Variants in TRNT1 observed in about 807,000 individuals in gnomAD.
TRNT1 encodes tRNA nucleotidyl transferase 1, also known as CCA tRNA nucleotidyltransferase 1, mitochondrial.
TRNT1 carries 44 observed loss-of-function variants against 45.6 expected under a neutral mutation model. The ratio of observed to expected loss-of-function variants is 0.97; its 90% CI spans 0.76 to 1.24. The LOEUF (loss-of-function observed/expected upper bound fraction) is 1.24. TRNT1 is among the 50% of genes most tolerant of loss of function. The probability of loss-of-function intolerance (pLI) is 0.00; values close to 1 mark genes in which losing one functional copy is unlikely to be tolerated. For synonymous variants in TRNT1, 201 were observed against 171.4 expected, an observed-to-expected ratio of 1.17 and a Z score of -1.35; for missense variants, 633 against 504.4, an observed-to-expected ratio of 1.25 and a Z score of -2.44.
chr3:3,152,803 G>C, downstream of TRNT1: 1 of 588,928 alleles, frequency 1.7e-6, no homozygotes, highest in South Asian at 2.0e-5. Context: ...AATGTTTTCT[G>C]TGATGACCCA....
intron 3 of TRNT1, 135 bp downstream of exon 3, chr3:3,137,588 C>A (rs1157218182): frequency 3.2e-6 from 2 of 623,412 alleles, no homozygotes; most frequent in African/African-American, 1.9e-5. Context: ...ATAAACCCTG[C>A]AGTCCTCTGT....
At chr3:3,127,652 C>T (rs1704673440) in intron 1 of TRNT1, 1 of 152,224 alleles carries the variant, frequency 6.6e-6, no homozygotes, top group African/African-American at 2.4e-5. Flanking sequence ...AGGAGCTATC[C>T]CAGGGTCGTG....
intron 5 of TRNT1, 92 bp from the exon 6 acceptor site, chr3:3,146,338 T>C: frequency 1.1e-6 from 1 of 914,530 alleles, no homozygotes; most frequent in South Asian, 1.9e-5. Flanking sequence ...ATTAAGCAGA[T>C]GTATGGGATA....
intron 4 of TRNT1, 89 bp from the exon 5 acceptor site, chr3:3,144,493 ACT>A: frequency 8.0e-7 from 1 of 1,251,856 alleles, no homozygotes; most frequent in East Asian, 2.5e-5. Context: ...CTGAATTTTT[ACT>A]GTTTGTGATA....
At chr3:3,129,484 G>A (rs1704863709) in intron 2 of TRNT1, 2 of 399,780 alleles carry the variant, frequency 5.0e-6, no homozygotes, top group Non-Finnish European at 9.3e-6. Flanking sequence ...CTCTTGGGGA[G>A]GCCAAGGTAG....
Position 3,138,679 on chromosome 3 carries a change from C to G in TRNT1, c.342+1226C>G, listed in dbSNP as rs147024669. Among the ~76,000 whole-genome samples, 136 of 152,286 alleles carry G rather than the reference C, an allele frequency of 8.9e-4. No individual in the cohort carries two copies. The East Asian group carries it at 0.022, about 25-fold the overall frequency. The stretch of plus-strand genomic sequence containing the variant: ...TTCTATGAGAGTGCCTTAACTTCAT[C>G]TCCCAGTCATTGTATAATACTGACA... On this transcript the variant is annotated intron_variant, in intron 3 of 7. Coordinates refer to ENST00000251607, the MANE Select transcript of TRNT1 (RefSeq NM_182916.3).
rs368274081 is a variant in TRNT1, at chr3:3,129,145, C to T, written c.105C>T (p.Pro35=). The part of the protein sequence containing the change: ...QYLFTMKLQS[P]EFQSLFTEGL... ...TATTCACAATGAAGTTGCAGTCTCCCGAATTCCAGTCACTTTTCACAGAAG... is the reference window on the plus strand; with the variant it reads ...TATTCACAATGAAGTTGCAGTCTCCTGAATTCCAGTCACTTTTCACAGAAG... The change falls in exon 2 of 8, where the codon CCC becomes CCT. Residue 35 remains proline (P), a synonymous_variant. Transcript: ENST00000251607. 1.5e-4 allele frequency: 246 copies of T among 1,614,080 alleles called. 3 individuals carry two copies. In the South Asian group the frequency reaches 2.5e-3, roughly 16 times the overall value.
chr3:3,136,532 G>A (rs754558674), intron 2 of TRNT1: 15 of 381,836 alleles, frequency 3.9e-5, no homozygotes, highest in South Asian at 2.4e-4. Flanking sequence ...AGTTTCATGC[G>A]TGAACATCCT....
At chr3:3,132,697 T>TA (rs774865877) in intron 2 of TRNT1, among the ~76,000 whole-genome samples, 34 of 37,564 alleles carry the variant, frequency 9.1e-4, no homozygotes, top group African/African-American at 2.2e-3. Flanking sequence ...AAAAAAAAAT[T>TA]AAAAAAATAA....
At chr3:3,144,112 C>A (rs1047101532) in intron 4 of TRNT1, among the ~76,000 whole-genome samples, 5 of 152,090 alleles carry the variant, frequency 3.3e-5, no homozygotes, top group Non-Finnish European at 5.9e-5. Context: ...TCAATTATTT[C>A]TTCGAAAATC....
intron 1 of TRNT1, chr3:3,127,948 A>G (rs1704702776): frequency 6.6e-6 from 1 of 152,224 alleles, no homozygotes; most frequent in Non-Finnish European, 1.5e-5. Flanking sequence ...GTAACCAGGT[A>G]CGGGGCGAAG....
downstream of TRNT1, chr3:3,153,306 C>G: frequency 1.5e-6 from 1 of 672,294 alleles, no homozygotes; most frequent in Admixed American, 2.4e-5. Flanking sequence ...CCCTATATTT[C>G]ATTTGCTAAA....
At position 3,129,048 on chromosome 3, in the gene TRNT1, G is replaced by C; in HGVS notation, c.8G>C (p.Arg3Thr). The stretch of plus-strand genomic sequence containing the variant: ...TGGTGACTGCCTCTCCAGATGCTGA[G>C]GTGCCTGTATCATTGGCACAGGCCA... MLRCLYHWHRPVL... is the reference protein window; with the variant it reads MLTCLYHWHRPVL... Residue 3 changes from arginine to threonine, a missense_variant, in exon 2 of 8, where the codon AGG becomes ACG. Transcript: ENST00000251607. 6.2e-7 allele frequency: 1 copy of C among 1,608,176 alleles called. No homozygotes were observed. Among genetic ancestry groups the C allele is most frequent in the Non-Finnish European group, 8.5e-7 (1 of 1,176,492 alleles).
chr3:3,150,707 TAC>T (rs1706470111), downstream of TRNT1: 15 of 709,726 alleles, frequency 2.1e-5, no homozygotes, highest in South Asian at 2.5e-4. Context: ...AAGTTTCAAA[TAC>T]AGTTTCACTT....
rs2126017403 is a variant in TRNT1, at chr3:3,137,309, G to A, written c.198G>A (p.Val66=). The part of the protein sequence containing the change: ...NHELRIAGGA[V]RDLLNGVKPQ... Reference sequence around the variant, plus strand: ...AATTAAGAATAGCAGGAGGAGCAGTGAGGGATTTATTAAATGGAGTAAAGC... The same window carrying A: ...AATTAAGAATAGCAGGAGGAGCAGTAAGGGATTTATTAAATGGAGTAAAGC... Residue 66 remains valine (V), a synonymous_variant, in exon 3 of 8, where the codon GTG becomes GTA. Transcript: ENST00000251607. 1.9e-6 allele frequency: 3 copies of A among 1,612,106 alleles called. No individual in the cohort carries two copies. Among genetic ancestry groups the A allele is most frequent in the Non-Finnish European group, 2.5e-6 (3 of 1,179,316 alleles).
At chr3:3,138,264 GT>G (rs1705445532) in intron 3 of TRNT1, among the ~76,000 whole-genome samples, 1 of 152,146 alleles carries the variant, frequency 6.6e-6, no homozygotes, top group South Asian at 2.1e-4. Flanking sequence ...CTCCATGGTG[GT>G]TTGATAGTTA....
At position 3,146,619 on chromosome 3, in the gene TRNT1, T is replaced by C. The variant is rs764802426; in HGVS notation, c.798T>C (p.Tyr266=). 5.6e-6 allele frequency: 9 copies of C among 1,601,384 alleles called. No individual in the cohort carries two copies. Among genetic ancestry groups the C allele is most frequent in the Admixed American group, 3.5e-5 (2 of 57,572 alleles). Residue 266 remains tyrosine, a synonymous_variant, in exon 6 of 8, where the codon TAT becomes TAC. Transcript: ENST00000251607. ...HLIYDLDVAP[Y]IGLPANASLE... ...TCTATGATCTTGATGTGGCTCCTTA[T>C]ATAGGTGAGAGCAAGTTATAAAGTG...
chr3:3,130,050 C>T, intron 2 of TRNT1: 1 of 1,288,714 alleles, frequency 7.8e-7, no homozygotes, highest in South Asian at 1.3e-5. Flanking sequence ...CTTGCTGTTG[C>T]CACAGTTTCA....
chr3:3,147,787 C>A, intron 7 of TRNT1, 84 bp downstream of exon 7: 2 of 1,520,662 alleles, frequency 1.3e-6, no homozygotes, highest in Admixed American at 4.5e-5. Flanking sequence ...ATCTACAAAT[C>A]TGTGAATTTT....
Sources: allele counts gnomAD v4.1 joint callset (sites outside exome capture counted in the v4.1 genomes callset), GRCh38; gene constraint gnomAD v4.1.1; transcripts MANE v1.5; gene names NCBI Gene and HGNC (gene_info 2026-07-23, HGNC 2026-07-21).